The following PABPC4 variants were observed in gnomAD, a reference collection of about 807,000 sequenced individuals.
The protein encoded by PABPC4 is polyadenylate-binding protein 4.
In PABPC4, 15 loss-of-function variants were observed where a neutral mutation model predicts 74.5. That is an observed-to-expected ratio of 0.20 (90% CI 0.13 to 0.31). The LOEUF is 0.31. Among genes scored for constraint, PABPC4 ranks in the 10% least tolerant of loss-of-function variants. The pLI is 1.00. For synonymous variants in PABPC4, 345 were observed against 303.0 expected, an observed-to-expected ratio of 1.14 and a Z score of -1.44; for missense variants, 610 against 853.5, an observed-to-expected ratio of 0.71 and a Z score of 3.55.
intron 7 of PABPC4, 25 bp from the exon 8 acceptor site, chr1:39,565,403 A>G (rs768162959): frequency 6.3e-7 from 1 of 1,594,374 alleles, no homozygotes; most frequent in African/African-American, 1.3e-5. Flanking sequence ...CAGCTACTTA[A>G]GAAATAAGGT....
chr1:39,565,180 C>T lies in PABPC4; in HGVS notation c.1171G>A (p.Ala391Thr). 1 of 1,614,096 alleles carries T rather than the reference C, an allele frequency of 6.2e-7. No homozygotes were observed. The highest frequency in any genetic ancestry group is 8.5e-7 in the Non-Finnish European group (1 of 1,179,956). The change falls in exon 8 of 16, where the codon GCA becomes ACA. Residue 391 changes from alanine (A) to threonine (T), a missense_variant. By Grantham distance (58) the Ala-to-Thr change is moderately conservative. Around this residue, in one of 4 missense-constraint regions of PABPC4, gnomAD observed 277 missense variants for 301.8 expected, o/e 0.92. Coordinates refer to ENST00000372858, the MANE Select transcript of PABPC4 (RefSeq NM_001135653.2). ...QYMQRVAGMR[A>T]LPANAILNQF... The stretch of plus-strand genomic sequence containing the variant: ...TTTAAGATGGCATTGGCAGGAAGTG[C>T]TCTCATTCCAGCCACTCGTTGCATA...
At position 39,564,702 on chromosome 1, in the gene PABPC4, T is replaced by G; in HGVS notation, c.1317A>C (p.Gln439His). ...ACCACCTACCTTGAGGTCTCCCACCTTGCTGCCAGCGTGGATTAGGCCTCA... is the reference window on the plus strand; with the variant it reads ...ACCACCTACCTTGAGGTCTCCCACCGTGCTGCCAGCGTGGATTAGGCCTCA... ...AQMRPNPRWQ[Q>H]GGRPQGFQGM... The change falls in exon 9 of 16, where the codon CAA becomes CAC. Residue 439 changes from glutamine (Q) to histidine (H), a missense_variant. By Grantham distance (24) the Gln-to-His change is conservative. Coordinates refer to ENST00000372858, the MANE Select transcript of PABPC4 (RefSeq NM_001135653.2). 6.2e-7 allele frequency: 1 copy of G among 1,614,084 alleles called. No homozygotes were observed. Among genetic ancestry groups the G allele is most frequent in the South Asian group, 1.1e-5 (1 of 91,082 alleles).
intron 7 of PABPC4, among the ~76,000 whole-genome samples, chr1:39,567,027 C>G (rs1016367038): frequency 1.1e-4 from 16 of 152,110 alleles, no homozygotes; most frequent in African/African-American, 3.6e-4. Context: ...TTTGTGGCAT[C>G]TGGTACACCT....
rs183969544 is a variant in PABPC4 at position 39,567,428 on chromosome 1, T to C, written c.972+323A>G. ...CAAGACAAATGGAAAACAACCTGTC[T>C]GGATTTCCTCTGCTCATTCTGTAGC... On this transcript the variant is annotated intron_variant, in intron 7 of 15. Coordinates refer to ENST00000372858, the MANE Select transcript of PABPC4 (RefSeq NM_001135653.2). 4.3e-4 allele frequency: 231 copies of C among 535,476 alleles called. 2 individuals carry two copies. Among genetic ancestry groups the C allele is most frequent in the African/African-American group, 4.1e-3 (219 of 52,870 alleles). The allele number at this position is 535,476 out of a possible 1,614,324, so 33.2% of individuals were successfully genotyped here.
At chr1:39,564,817 C>T (rs748780968) in intron 8 of PABPC4, 44 bp from the exon 9 acceptor site, 1 of 1,436,810 alleles carries the variant, frequency 7.0e-7, no homozygotes, top group South Asian at 1.1e-5. Flanking sequence ...AAGGACTGAA[C>T]CCATCCTAGA....
chr1:39,567,835 G>A lies in PABPC4; in HGVS notation c.888C>T (p.Leu296=). The change falls in exon 7 of 16, where the codon CTC becomes CTT. Residue 296 remains leucine, a synonymous_variant. Transcript: ENST00000372858. The stretch of plus-strand genomic sequence containing the variant: ...TAGTGTCATCCAAGTTCTTAATGTA[G>A]AGATTCACCCCCTGAAGGAAAAAGA... ...ERISRYQGVN[L]YIKNLDDTID... is the part of the protein sequence containing the mutation. The A allele has an allele frequency of 6.4e-7, 1 of 1,572,330 alleles. No individual in the cohort carries two copies. The highest frequency in any genetic ancestry group is 8.8e-7 in the Non-Finnish European group (1 of 1,142,448).
chr1:39,564,906 C>CA, intron 8 of PABPC4, 133 bp from the exon 9 acceptor site: 1 of 875,198 alleles, frequency 1.1e-6, no homozygotes, highest in Non-Finnish European at 1.8e-6. Context: ...GCTGAGGGGT[C>CA]AGCTAATGGG....
chr1:39,576,003 C>T lies in PABPC4; in HGVS notation c.-52G>A, dbSNP rs1646020665. ...CCGCCAGGAGGACTTCTTATCGGGC[C>T]CGCCGCAGGACAAAGGGGCGCCTTC... is the stretch of plus-strand genomic sequence containing the variant. On this transcript the variant is annotated 5_prime_UTR_variant, in exon 1 of 16. Transcript: ENST00000372858. The T allele has an allele frequency of 1.5e-5, 19 of 1,306,194 alleles. No individual in the cohort carries two copies. In the East Asian group the frequency reaches 5.0e-4, roughly 34 times the overall value. The allele number at this position is 1,306,194 out of a possible 1,614,324, so 80.9% of individuals were successfully genotyped here.
In PABPC4 at chr1:39,565,418, C is replaced by T. The variant is rs1294973173; in HGVS notation, c.973-40G>A. ...CAGCTACTTAAGAAATAAGGTGTCC[C>T]TGGCTGGGTGTGATGGCTTGTGCCT... On this transcript the variant is annotated intron_variant, in intron 7 of 15. Coordinates refer to ENST00000372858, the MANE Select transcript of PABPC4 (RefSeq NM_001135653.2). 1.9e-6 allele frequency: 3 copies of T among 1,576,770 alleles called. No homozygotes were observed. The East Asian group carries it at 6.7e-5, about 35-fold the overall frequency.
At chr1:39,564,799 A>C in intron 8 of PABPC4, 26 bp from the exon 9 acceptor site, 1 of 1,566,994 alleles carries the variant, frequency 6.4e-7, no homozygotes, top group Non-Finnish European at 8.8e-7. Context: ...ATACCCAAAC[A>C]CCCCCTTAAG....
intron 7 of PABPC4, chr1:39,567,524 A>C (rs779233528): frequency 2.5e-5 from 16 of 645,290 alleles, no homozygotes; most frequent in Non-Finnish European, 4.4e-5. Flanking sequence ...GTTGGCAAGG[A>C]GGGGCTGGGT....
intron 3 of PABPC4, chr1:39,571,017 G>A (rs550022442): frequency 4.4e-5 from 62 of 1,406,738 alleles, no homozygotes; most frequent in Non-Finnish European, 5.1e-5. Flanking sequence ...AGGGAGAGGC[G>A]GCAGGCAGGC....
rs1295979592 is a variant in PABPC4, at chr1:39,561,592, A to G, written c.*13+93T>C. ...ACTTATTGTATTCCCAGAGCTAAGCAGTGAGCATATATACAACCTCAGGTC... is the reference window on the plus strand; with the variant it reads ...ACTTATTGTATTCCCAGAGCTAAGCGGTGAGCATATATACAACCTCAGGTC... On this transcript the variant is annotated intron_variant, in intron 15 of 15. Coordinates refer to ENST00000372858, the MANE Select transcript of PABPC4 (RefSeq NM_001135653.2). 7.3e-5 allele frequency: 59 copies of G among 806,422 alleles called. No homozygotes were observed. The East Asian group carries it at 1.3e-3, about 17-fold the overall frequency. The allele number at this position is 806,422 out of a possible 1,614,324, so 50.0% of individuals were successfully genotyped here.
At chr1:39,574,955 T>G (rs187685868) in intron 1 of PABPC4, among the ~76,000 whole-genome samples, 1 of 152,358 alleles carries the variant, frequency 6.6e-6, no homozygotes, top group Non-Finnish European at 1.5e-5. Context: ...TTCCAACTTT[T>G]TGCATTCGTT....
At chr1:39,562,617 C>A in intron 12 of PABPC4, 1 of 458,918 alleles carries the variant, frequency 2.2e-6, no homozygotes. Flanking sequence ...ATAAACACAA[C>A]CAATTACAAT....
chr1:39,575,234 T>C (rs917752783), intron 1 of PABPC4, among the ~76,000 whole-genome samples: 2 of 152,100 alleles, frequency 1.3e-5, no homozygotes, highest in Non-Finnish European at 2.9e-5. Context: ...TCTGCGAAAG[T>C]TTAACGCACA....
chr1:39,570,018 G>GA lies in PABPC4; in HGVS notation c.504-17dup. On this transcript the variant is annotated splice_polypyrimidine_tract_variant and intron_variant, in intron 3 of 15. Coordinates refer to ENST00000372858, the MANE Select transcript of PABPC4 (RefSeq NM_001135653.2). ...GCCCACAAATCTAAAATGAAACCAT[G>GA]AAGAACAGTAATTACCCAGAGGAAT... 6.2e-7 allele frequency: 1 copy of GA among 1,612,278 alleles called. No individual in the cohort carries two copies. Among genetic ancestry groups the GA allele is most frequent in the South Asian group, 1.1e-5 (1 of 90,974 alleles).
Position 39,565,004 on chromosome 1 carries a change from G to A in PABPC4, c.1245+102C>T. ...TTTTTACTTGAAGGGTCCTTATTGT[G>A]ACATTCTAGAACTCTAATAACGAAA... On this transcript the variant is annotated intron_variant, in intron 8 of 15. Coordinates refer to ENST00000372858, the MANE Select transcript of PABPC4 (RefSeq NM_001135653.2). 8 of 1,276,354 alleles carry A rather than the reference G, an allele frequency of 6.3e-6. No individual in the cohort carries two copies. In the South Asian group the frequency reaches 1.1e-4, roughly 17 times the overall value. 79.1% of individuals were successfully genotyped at this position (1,276,354 alleles called of 1,614,324 possible). A position where few individuals can be genotyped will look rare whatever the true frequency, so the allele number is the denominator to read the frequency against.
In PABPC4 at chr1:39,572,479, C is replaced by T. The variant is rs143103896; in HGVS notation, c.301G>A (p.Val101Ile). 7.4e-6 allele frequency: 12 copies of T among 1,613,898 alleles called. No homozygotes were observed. Among genetic ancestry groups the T allele is most frequent in the African/African-American group, 4.0e-5 (3 of 74,932 alleles). ...GATTTGTCCAGGTTCTTGATGAAGA[C>T]GTTTCCCACACCAGATTTTCTCAAA... Reference protein sequence around the residue: ...PSLRKSGVGNVFIKNLDKSID... With the variant: ...PSLRKSGVGNIFIKNLDKSID... The change falls in exon 2 of 16, where the codon GTC becomes ATC. Residue 101 changes from valine (V) to isoleucine (I), a missense_variant. Physicochemically the swap from Val to Ile is conservative, Grantham distance 29. Coordinates refer to ENST00000372858, the MANE Select transcript of PABPC4 (RefSeq NM_001135653.2).
Sources: gnomAD v4.1 joint callset for allele counts (sites outside exome capture counted in the v4.1 genomes callset) on GRCh38, gnomAD v4.1.1 for gene constraint, gnomAD v4.1.1 regional missense constraint, MANE v1.5 for transcripts, NCBI Gene and HGNC (gene_info 2026-07-23, HGNC 2026-07-21) for gene names.